The following GLTP variants were observed in gnomAD, a reference collection of about 807,000 sequenced individuals.
The protein encoded by GLTP is glycolipid transfer protein.
A neutral mutation model predicts 24.0 loss-of-function variants in GLTP; 22 were observed. The ratio of observed to expected loss-of-function variants is 0.92; its 90% CI spans 0.65 to 1.31. The LOEUF (loss-of-function observed/expected upper bound fraction) is 1.31. GLTP is among the 50% of genes most tolerant of loss of function. The pLI, the probability that GLTP is intolerant of heterozygous loss-of-function variation, is 0.00. For missense variants in GLTP, 224 were observed against 276.6 expected (o/e 0.81, Z 1.35); for synonymous variants, 92 against 115.9 (o/e 0.79, Z 1.33).
rs556224155 is a variant in GLTP at position 109,880,446 on chromosome 12, C to T, written c.-72G>A. 1,013 of 609,062 alleles carry T rather than the reference C, an allele frequency of 1.7e-3. 17 individuals are homozygous for T. In the South Asian group the frequency reaches 0.02, roughly 12 times the overall value. 37.7% of individuals were successfully genotyped at this position (609,062 alleles called of 1,614,324 possible). On this transcript the variant is annotated 5_prime_UTR_variant, in exon 1 of 5. Coordinates refer to ENST00000318348, the MANE Select transcript of GLTP (RefSeq NM_016433.4). This position sits in a 1 kb window ranked among gnomAD's most constrained non-coding sequence, Gnocchi z 5.1. The stretch of plus-strand genomic sequence containing the variant: ...TCGACACCGCCCCCCCGGCCGCCGC[C>T]GTCAGCGCCGGGGCCGTCACAGCCG...
At chr12:109,856,841 G>A (rs1476733735) in intron 3 of GLTP, among the ~76,000 whole-genome samples, 1 of 152,196 alleles carries the variant, frequency 6.6e-6, no homozygotes, top group Non-Finnish European at 1.5e-5. Context: ...TTTGAGACCA[G>A]CCTGGCTAAC....
At chr12:109,858,068 G>T (rs904541379) in intron 2 of GLTP, 9 of 452,272 alleles carry the variant, frequency 2.0e-5, no homozygotes, top group African/African-American at 1.8e-4. Flanking sequence ...AGGATTCCAA[G>T]AAGTCCAGGA....
At chr12:109,877,967 A>G (rs1292286383) in intron 1 of GLTP, among the ~76,000 whole-genome samples, 3 of 152,216 alleles carry the variant, frequency 2.0e-5, no homozygotes, top group Non-Finnish European at 4.4e-5. Context: ...TTTGGTGAAC[A>G]GTAAACAGCT....
intron 1 of GLTP, among the ~76,000 whole-genome samples, chr12:109,871,465 C>T (rs1868719556): frequency 6.6e-6 from 1 of 152,152 alleles, no homozygotes; most frequent in South Asian, 2.1e-4. Flanking sequence ...TTCCCCTCCT[C>T]CCCTACAAGG....
At chr12:109,875,643 T>C (rs1868858446) in intron 1 of GLTP, among the ~76,000 whole-genome samples, 1 of 152,076 alleles carries the variant, frequency 6.6e-6, no homozygotes, top group Non-Finnish European at 1.5e-5. Context: ...TGGGTCAAGG[T>C]AGAGAGAGAA....
At chr12:109,864,517 T>C (rs1279013214) in intron 1 of GLTP, among the ~76,000 whole-genome samples, 1 of 152,156 alleles carries the variant, frequency 6.6e-6, no homozygotes, top group African/African-American at 2.4e-5. Flanking sequence ...CTGTATATGG[T>C]TGGGCTGAAG....
intron 1 of GLTP, among the ~76,000 whole-genome samples, chr12:109,877,566 G>A (rs1425446697): frequency 1.3e-5 from 2 of 152,100 alleles, no homozygotes; most frequent in Non-Finnish European, 1.5e-5. Flanking sequence ...ATCTTACAAT[G>A]CACAGGACAG....
chr12:109,858,716 A>C lies in GLTP; in HGVS notation c.129T>G (p.Thr43=). 6.2e-7 allele frequency: 1 copy of C among 1,612,490 alleles called. No individual in the cohort carries two copies. Among genetic ancestry groups the C allele is most frequent in the Non-Finnish European group, 8.5e-7 (1 of 1,178,546 alleles). Residue 43 remains threonine, a synonymous_variant, in exon 2 of 5, where the codon ACT becomes ACG. Coordinates refer to ENST00000318348, the MANE Select transcript of GLTP (RefSeq NM_016433.4). ...FFDCLGSPVF[T]PIKADISGNI... is the part of the protein sequence containing the mutation. Reference sequence around the variant, plus strand: ...TGCCGCTTATGTCTGCCTTGATGGGAGTAAACACTGGGGACCCAAGGCAAT... The same window carrying C: ...TGCCGCTTATGTCTGCCTTGATGGGCGTAAACACTGGGGACCCAAGGCAAT...
At chr12:109,871,380 C>T (rs556337773) in intron 1 of GLTP, among the ~76,000 whole-genome samples, 3 of 152,238 alleles carry the variant, frequency 2.0e-5, no homozygotes, top group Admixed American at 6.5e-5. Flanking sequence ...CCACTGCGCC[C>T]GGCCCCAATA....
In GLTP at chr12:109,880,451, G is replaced by A; in HGVS notation, c.-77C>T. 1 of 536,984 alleles carries A rather than the reference G, an allele frequency of 1.9e-6. No individual in the cohort carries two copies. Among genetic ancestry groups the A allele is most frequent in the Non-Finnish European group, 2.7e-6 (1 of 373,238 alleles). The allele number at this position is 536,984 out of a possible 1,614,324, so 33.3% of individuals were successfully genotyped here. On this transcript the variant is annotated 5_prime_UTR_variant, in exon 1 of 5. Coordinates refer to ENST00000318348, the MANE Select transcript of GLTP (RefSeq NM_016433.4). The surrounding 1 kb of genome is among the most constrained non-coding windows in gnomAD (Gnocchi z 5.1). ...ACCGCCCCCCCGGCCGCCGCCGTCAGCGCCGGGGCCGTCACAGCCGCCCGC... is the reference window on the plus strand; with the variant it reads ...ACCGCCCCCCCGGCCGCCGCCGTCAACGCCGGGGCCGTCACAGCCGCCCGC...
intron 1 of GLTP, among the ~76,000 whole-genome samples, chr12:109,861,388 C>T (rs972382317): frequency 3.9e-5 from 6 of 152,208 alleles, no homozygotes; most frequent in Admixed American, 3.9e-4. Context: ...CTGTGTGCCT[C>T]AGTTTCCTCT....
At chr12:109,860,269 T>C (rs564645128) in intron 1 of GLTP, 2 of 203,290 alleles carry the variant, frequency 9.8e-6, no homozygotes, top group East Asian at 2.4e-4. Flanking sequence ...TGAGCCACTG[T>C]GCCCAGCCTC....
intron 1 of GLTP, among the ~76,000 whole-genome samples, chr12:109,878,302 G>A (rs1868948937): frequency 6.6e-6 from 1 of 152,150 alleles, no homozygotes; most frequent in South Asian, 2.1e-4. Flanking sequence ...AGTTTAACCT[G>A]GGATTTCTCC....
intron 4 of GLTP, among the ~76,000 whole-genome samples, chr12:109,852,988 G>A (rs1296990024): frequency 1.3e-5 from 2 of 152,226 alleles, no homozygotes; most frequent in Non-Finnish European, 2.9e-5. Context: ...TGAGCCTTGA[G>A]CAAGTCAGTT....
At position 109,851,571 on chromosome 12, in the gene GLTP, C is replaced by G. The variant is rs1273899507; in HGVS notation, c.*984G>C. ...TATAGTCCTTAAAATAACAATACAG[C>G]GAGAGCCTCATAAGGTCACGTGCTT... On this transcript the variant is annotated 3_prime_UTR_variant, in exon 5 of 5. Transcript: ENST00000318348. 1 of 152,074 alleles carries G rather than the reference C, an allele frequency of 6.6e-6. No individual in the cohort carries two copies. Among genetic ancestry groups the G allele is most frequent in the African/African-American group, 2.4e-5 (1 of 41,410 alleles). 9.4% of individuals were successfully genotyped at this position (152,074 alleles called of 1,614,324 possible). A position where few individuals can be genotyped will look rare whatever the true frequency, so the allele number is the denominator to read the frequency against.
chr12:109,874,779 A>C (rs986168738), intron 1 of GLTP, among the ~76,000 whole-genome samples: 1 of 152,146 alleles, frequency 6.6e-6, no homozygotes, highest in Non-Finnish European at 1.5e-5. Context: ...ATTTATTTTG[A>C]GACGGAGTCT....
chr12:109,869,717 C>T (rs539868847), intron 1 of GLTP, among the ~76,000 whole-genome samples: 4 of 151,576 alleles, frequency 2.6e-5, no homozygotes, highest in African/African-American at 9.7e-5. Flanking sequence ...GATCCGCCTG[C>T]CTCGGCCTCC....
At chr12:109,861,870 C>A (rs1208570894) in intron 1 of GLTP, among the ~76,000 whole-genome samples, 1 of 152,208 alleles carries the variant, frequency 6.6e-6, no homozygotes, top group Non-Finnish European at 1.5e-5. Flanking sequence ...TGTGACCCAG[C>A]AAATGACATC....
intron 1 of GLTP, among the ~76,000 whole-genome samples, chr12:109,866,948 T>A (rs1012801583): frequency 4.5e-5 from 5 of 112,078 alleles, no homozygotes; most frequent in African/African-American, 1.5e-4. Context: ...TTTTTTTTTT[T>A]ACCTTTTGTA....
Sources: gnomAD v4.1 joint callset for allele counts (sites outside exome capture counted in the v4.1 genomes callset) on GRCh38, gnomAD v4.1.1 for gene constraint, Gnocchi (gnomAD v3.1) non-coding constraint, MANE v1.5 for transcripts, NCBI Gene and HGNC (gene_info 2026-07-23, HGNC 2026-07-21) for gene names.